FTO: variants seen among roughly 807,000 people sequenced by gnomAD.
The protein encoded by FTO is alpha-ketoglutarate-dependent dioxygenase FTO.
Under a neutral mutation model 63.9 loss-of-function variants are expected in FTO, and 47 were observed. The ratio of observed to expected loss-of-function variants is 0.74; its 90% CI spans 0.58 to 0.94. FTO has a LOEUF of 0.94. Ranked by LOEUF, FTO falls within the 40% of genes least tolerant of loss-of-function variation. The pLI is 0.00. For missense variants in FTO, 562 were observed against 618.1 expected (o/e 0.91, Z 0.96); for synonymous variants, 207 against 224.4 (o/e 0.92, Z 0.69).
intron 8 of FTO, among the ~76,000 whole-genome samples, chr16:54,041,451 T>C (rs1264823133): frequency 1.3e-5 from 2 of 152,124 alleles, no homozygotes; most frequent in African/African-American, 4.8e-5. Context: ...AGCCAAACCA[T>C]ATCACATGTT....
At chr16:54,088,710 G>A (rs2086307084) in intron 8 of FTO, among the ~76,000 whole-genome samples, 1 of 152,202 alleles carries the variant, frequency 6.6e-6, no homozygotes, top group South Asian at 2.1e-4. Flanking sequence ...AGGTTGTTAT[G>A]AAAGGAAAAC....
intron 7 of FTO, among the ~76,000 whole-genome samples, chr16:53,900,765 G>T (rs538950069): frequency 6.6e-5 from 10 of 152,122 alleles, no homozygotes; most frequent in African/African-American, 1.9e-4. Flanking sequence ...TTGGGAATAC[G>T]AAGGATTTTG....
At chr16:54,077,441 T>G (rs1333030426) in intron 8 of FTO, among the ~76,000 whole-genome samples, 1 of 152,144 alleles carries the variant, frequency 6.6e-6, no homozygotes, top group African/African-American at 2.4e-5. Context: ...TTGTAACACA[T>G]CCGTGCCCCT....
At chr16:53,800,901 C>T (rs2078202564) in intron 1 of FTO, among the ~76,000 whole-genome samples, 1 of 151,908 alleles carries the variant, frequency 6.6e-6, no homozygotes, top group African/African-American at 2.4e-5. Context: ...TCATTTTAAC[C>T]ATTTTAAAGT....
At chr16:53,816,706 G>A (rs1598737184) in intron 2 of FTO, among the ~76,000 whole-genome samples, 1 of 151,984 alleles carries the variant, frequency 6.6e-6, no homozygotes, top group East Asian at 1.9e-4. Flanking sequence ...TTACCACCCT[G>A]TGGAAAGTAG....
At chr16:53,889,288 A>T (rs926102196) in intron 7 of FTO, among the ~76,000 whole-genome samples, 3 of 152,202 alleles carry the variant, frequency 2.0e-5, no homozygotes, top group Non-Finnish European at 4.4e-5. Context: ...AACTTTAAAA[A>T]ATTTTTACAG....
chr16:53,856,315 G>C (rs1598838471), intron 4 of FTO, among the ~76,000 whole-genome samples: 3 of 151,702 alleles, frequency 2.0e-5, no homozygotes, highest in Admixed American at 2.0e-4. Context: ...CCTCATGCTG[G>C]AAGGTTCCTT....
At chr16:54,036,981 C>T (rs939339691) in intron 8 of FTO, among the ~76,000 whole-genome samples, 2 of 152,146 alleles carry the variant, frequency 1.3e-5, no homozygotes, top group Admixed American at 6.5e-5. Flanking sequence ...TGCATCTCCC[C>T]GTGTGTCCAC....
intron 8 of FTO, among the ~76,000 whole-genome samples, chr16:54,102,890 T>C (rs1178715015): frequency 6.6e-6 from 1 of 152,146 alleles, no homozygotes. Flanking sequence ...TGGTGGCTTA[T>C]GCTTGTAATC....
At chr16:53,723,701 A>C (rs2076089910) in intron 1 of FTO, among the ~76,000 whole-genome samples, 1 of 152,212 alleles carries the variant, frequency 6.6e-6, no homozygotes, top group Non-Finnish European at 1.5e-5. Context: ...AAAACCCAAA[A>C]CTAGATGCTT....
intron 8 of FTO, among the ~76,000 whole-genome samples, chr16:53,964,674 T>C (rs2083158056): frequency 1.3e-5 from 2 of 152,254 alleles, no homozygotes; most frequent in African/African-American, 4.8e-5. Flanking sequence ...ATTCTCAAGA[T>C]GCAATTTGAA....
intron 1 of FTO, among the ~76,000 whole-genome samples, chr16:53,725,989 T>G (rs2151499056): frequency 6.6e-6 from 1 of 152,294 alleles, no homozygotes; most frequent in South Asian, 2.1e-4. Context: ...AAGACATTTC[T>G]TTTTACTCAA....
intron 4 of FTO, among the ~76,000 whole-genome samples, chr16:53,865,728 T>A (rs1741422912): frequency 6.6e-6 from 1 of 152,204 alleles, no homozygotes; most frequent in Non-Finnish European, 1.5e-5. Flanking sequence ...CTGACTGGCC[T>A]TCTGCTGCCA....
chr16:53,873,323 T>G (rs1292084418), intron 4 of FTO, among the ~76,000 whole-genome samples: 2 of 152,092 alleles, frequency 1.3e-5, no homozygotes, highest in Non-Finnish European at 2.9e-5. Context: ...CTATATCTCA[T>G]TTGCTGAGGA....
At chr16:54,038,292 A>C (rs1352990808) in intron 8 of FTO, among the ~76,000 whole-genome samples, 1 of 152,208 alleles carries the variant, frequency 6.6e-6, no homozygotes, top group East Asian at 1.9e-4. Context: ...GGGCTTCAGA[A>C]CTGGCAGTGG....
chr16:53,857,467 T>TA (rs1555486155), intron 4 of FTO, among the ~76,000 whole-genome samples: 4,444 of 151,864 alleles, frequency 0.029, 168 homozygotes, highest in East Asian at 0.11. Context: ...TCTCTCTCTC[T>TA]TTCTATATAT....
At chr16:54,012,875 C>A (rs2084361017) in intron 8 of FTO, among the ~76,000 whole-genome samples, 1 of 151,270 alleles carries the variant, frequency 6.6e-6, no homozygotes, top group Admixed American at 6.6e-5. Context: ...TGCTCATTGA[C>A]AATGCATGTG....
chr16:53,757,364 A>G (rs1292204584), intron 1 of FTO, among the ~76,000 whole-genome samples: 1 of 152,092 alleles, frequency 6.6e-6, no homozygotes, highest in Non-Finnish European at 1.5e-5. Context: ...TGTTTTAACA[A>G]TCATTTGAAC....
At chr16:53,844,712 G>T (rs184357684) in intron 4 of FTO, among the ~76,000 whole-genome samples, 1 of 152,008 alleles carries the variant, frequency 6.6e-6, no homozygotes, top group Non-Finnish European at 1.5e-5. Context: ...CACCTGCCTC[G>T]GTCCCCCAAA....
Sources: allele counts gnomAD v4.1 joint callset (sites outside exome capture counted in the v4.1 genomes callset), GRCh38; gene constraint gnomAD v4.1.1; transcripts MANE v1.5; gene names NCBI Gene and HGNC (gene_info 2026-07-23, HGNC 2026-07-21).